The following CABIN1 variants were observed in gnomAD, a reference collection of about 807,000 sequenced individuals.
CABIN1 encodes the protein calcineurin-binding protein cabin-1.
Under a neutral mutation model 227.7 loss-of-function variants are expected in CABIN1, and 133 were observed. The observed-to-expected ratio is 0.58, with a 90% CI of 0.51 to 0.67. The LOEUF is 0.67. CABIN1 is among the 30% of genes least tolerant of loss of function. CABIN1 has a pLI of 0.00. For synonymous variants in CABIN1, 1,086 were observed against 1,155.1 expected, an observed-to-expected ratio of 0.94 and a Z score of 1.21; for missense variants, 2,408 against 2,852.5, an observed-to-expected ratio of 0.84 and a Z score of 3.55.
chr22:24,116,861 CT>C, intron 27 of CABIN1, among the ~76,000 whole-genome samples: 1 of 152,218 alleles, frequency 6.6e-6, no homozygotes, highest in Non-Finnish European at 1.5e-5. Context: ...CTCTGTTGGC[CT>C]TGGCATATGC....
intron 29 of CABIN1, among the ~76,000 whole-genome samples, chr22:24,158,115 G>A (rs918198273): frequency 6.6e-6 from 1 of 152,224 alleles, no homozygotes; most frequent in South Asian, 2.1e-4. Flanking sequence ...GCTCTCCCTT[G>A]GTTGCTCACA....
chr22:24,063,689 A>G (rs1344835242), intron 14 of CABIN1, among the ~76,000 whole-genome samples: 1 of 152,224 alleles, frequency 6.6e-6, no homozygotes, highest in African/African-American at 2.4e-5. Flanking sequence ...GCAACCATTT[A>G]GTCTAAAGAA....
chr22:24,167,405 C>G, intron 32 of CABIN1, 92 bp downstream of exon 32: 1 of 1,289,022 alleles, frequency 7.8e-7, no homozygotes, highest in Non-Finnish European at 1.1e-6. Flanking sequence ...CCCAGGCCTG[C>G]CCTTGGGGCG....
intron 2 of CABIN1, 51 bp from the exon 3 acceptor site, chr22:24,036,038 T>G (rs761163784): frequency 4.2e-6 from 5 of 1,178,476 alleles, no homozygotes; most frequent in Non-Finnish European, 6.4e-6. Context: ...TTTGAAGAGA[T>G]GAGTGACATC....
chr22:24,087,839 A>G, intron 23 of CABIN1, 126 bp downstream of exon 23: 1 of 1,261,450 alleles, frequency 7.9e-7, no homozygotes, highest in Non-Finnish European at 1.1e-6. Flanking sequence ...GAGCTCACTG[A>G]CGAATCTCCC....
At chr22:24,064,255 G>A in intron 15 of CABIN1, 68 bp downstream of exon 15, 1 of 1,538,128 alleles carries the variant, frequency 6.5e-7, no homozygotes, top group Non-Finnish European at 9.0e-7. Flanking sequence ...GCCTAGGCTG[G>A]AGTGTAATAG....
intron 24 of CABIN1, among the ~76,000 whole-genome samples, chr22:24,092,858 T>C (rs911773438): frequency 6.6e-5 from 10 of 152,154 alleles, no homozygotes; most frequent in African/African-American, 1.9e-4. Flanking sequence ...TATTAACATA[T>C]AAACATATAG....
intron 33 of CABIN1, among the ~76,000 whole-genome samples, chr22:24,169,652 G>GGGCGCA (rs2046670738): frequency 6.6e-6 from 1 of 152,188 alleles, no homozygotes; most frequent in African/African-American, 2.4e-5. Flanking sequence ...CCCCAGTGCT[G>GGGCGCA]GGCGCAGGCC....
chr22:24,120,033 C>T lies in CABIN1; in HGVS notation c.4632+335C>T, dbSNP rs920273044. 3.9e-5 allele frequency among the ~76,000 whole-genome samples: 6 copies of T among 152,294 alleles called. No homozygotes were observed. In the South Asian group the frequency reaches 8.3e-4, roughly 21 times the overall value. ...TGTGCAGCAACTCAAACTCTGATGT[C>T]GTGCTCCCTCACCCCTGCCATTCAC... On this transcript the variant is annotated intron_variant, in intron 28 of 36. Coordinates refer to ENST00000263119, the MANE Select transcript of CABIN1 (RefSeq NM_012295.4).
chr22:24,048,310 G>A (rs1445057769), intron 6 of CABIN1, among the ~76,000 whole-genome samples: 1 of 152,088 alleles, frequency 6.6e-6, no homozygotes, highest in Admixed American at 6.5e-5. Context: ...CTTCTTTCTG[G>A]TCAGTAAGCA....
intron 23 of CABIN1, among the ~76,000 whole-genome samples, chr22:24,088,911 TGC>T (rs2041355828): frequency 6.6e-6 from 1 of 152,346 alleles, no homozygotes; most frequent in South Asian, 2.1e-4. Context: ...TCCTTTTAAC[TGC>T]TGTAACCCTA....
At chr22:24,124,966 A>G (rs1271662050) in intron 28 of CABIN1, among the ~76,000 whole-genome samples, 1 of 152,184 alleles carries the variant, frequency 6.6e-6, no homozygotes, top group African/African-American at 2.4e-5. Flanking sequence ...TCTATAATAT[A>G]CTAATCAAAA....
chr22:24,123,176 C>T (rs749265677), intron 28 of CABIN1, among the ~76,000 whole-genome samples: 1 of 152,190 alleles, frequency 6.6e-6, no homozygotes, highest in Non-Finnish European at 1.5e-5. Context: ...CTGCCTTGGG[C>T]TGTCTGCACC....
chr22:24,082,153 G>A (rs1034528109), intron 19 of CABIN1, among the ~76,000 whole-genome samples: 4 of 142,320 alleles, frequency 2.8e-5, no homozygotes, highest in African/African-American at 7.9e-5. Flanking sequence ...GCAGTGGTAC[G>A]ATCACAGCTC....
chr22:24,178,121 G>A lies in CABIN1; in HGVS notation c.6588G>A (p.Glu2196=). 2 of 1,613,836 alleles carry A rather than the reference G, an allele frequency of 1.2e-6. No homozygotes were observed. Among genetic ancestry groups the A allele is most frequent in the Non-Finnish European group, 1.7e-6 (2 of 1,179,940 alleles). ...RKESLCQPAL[E]VLETSSQESS... is the part of the protein sequence containing the mutation. ...AGAGCCTATGCCAGCCAGCCCTGGAGGTCCTGGAGACATCCAGCCAGGAGT... is the reference window on the plus strand; with the variant it reads ...AGAGCCTATGCCAGCCAGCCCTGGAAGTCCTGGAGACATCCAGCCAGGAGT... Residue 2196 remains glutamate, a synonymous_variant, in exon 37 of 37, where the codon GAG becomes GAA. Transcript: ENST00000263119.
At chr22:24,158,332 C>T (rs2045958632) in intron 29 of CABIN1, among the ~76,000 whole-genome samples, 1 of 152,218 alleles carries the variant, frequency 6.6e-6, no homozygotes, top group African/African-American at 2.4e-5. Context: ...GTGGTCCCCT[C>T]TGGGTGATCT....
At chr22:24,158,020 C>T (rs2045937879) in intron 29 of CABIN1, among the ~76,000 whole-genome samples, 1 of 152,222 alleles carries the variant, frequency 6.6e-6, no homozygotes, top group Admixed American at 6.5e-5. Context: ...AACAGGCTCC[C>T]CGCCCTCGCC....
Position 24,171,751 on chromosome 22 carries a change from A to G in CABIN1, c.5796A>G (p.Lys1932=). ...CCCCCACCACTCCAAAGCACCCCAA[A>G]GACAGCCGAGAGAACTTCTTTCCTG... ...GDTPTTPKHP[K]DSRENFFPVT... Residue 1932 remains lysine (K), a synonymous_variant, in exon 34 of 37, where the codon AAA becomes AAG. Coordinates refer to ENST00000263119, the MANE Select transcript of CABIN1 (RefSeq NM_012295.4). 1 of 1,614,172 alleles carries G rather than the reference A, an allele frequency of 6.2e-7. No homozygotes were observed. Among genetic ancestry groups the G allele is most frequent in the Non-Finnish European group, 8.5e-7 (1 of 1,180,022 alleles).
Position 24,060,144 on chromosome 22 carries a change from T to C in CABIN1, c.1617+3T>C. 3.7e-6 allele frequency: 6 copies of C among 1,612,738 alleles called. No homozygotes were observed. The highest frequency in any genetic ancestry group is 5.1e-6 in the Non-Finnish European group (6 of 1,179,780). On this transcript the variant is annotated splice_donor_region_variant and intron_variant, in intron 12 of 36. Transcript: ENST00000263119. ...ACTGCAGCAACAAGCACATCAAGGT[T>C]AGGGGGAGCCTCTCAAGGGCTGGTA...
Sources: allele counts gnomAD v4.1 joint callset (sites outside exome capture counted in the v4.1 genomes callset), GRCh38; gene constraint gnomAD v4.1.1; transcripts MANE v1.5; gene names NCBI Gene and HGNC (gene_info 2026-07-23, HGNC 2026-07-21).